The following BPIFB4 variants were observed in gnomAD, a reference collection of about 807,000 sequenced individuals.
The protein encoded by BPIFB4 is BPI fold containing family B member 4, also known as BPI fold-containing family B member 4.
In BPIFB4, 62 loss-of-function variants were observed where a neutral mutation model predicts 69.2. That is an observed-to-expected ratio of 0.90 (90% confidence interval 0.73 to 1.11). The LOEUF is 1.11. BPIFB4 is among the 50% of genes least tolerant of loss of function. The pLI is 0.00. For synonymous variants in BPIFB4, 330 were observed against 332.7 expected (o/e 0.99, Z 0.09); for missense variants, 789 against 792.0 (o/e 1.00, Z 0.04).
chr20:33,101,256 C>T (rs17124134), intron 14 of BPIFB4, among the ~76,000 whole-genome samples: 11,988 of 152,146 alleles, frequency 0.079, 523 homozygotes, highest in Middle Eastern at 0.12. Context: ...CCCAGGGCCA[C>T]CCAGCAAGTA....
chr20:33,107,328 C>T (rs1982095585), intron 16 of BPIFB4, among the ~76,000 whole-genome samples: 1 of 152,012 alleles, frequency 6.6e-6, no homozygotes, highest in Admixed American at 6.6e-5. Context: ...CCATGGCTCA[C>T]ACCTGTAATC....
chr20:33,088,588 G>A (rs746866657), intron 7 of BPIFB4, among the ~76,000 whole-genome samples: 24 of 152,088 alleles, frequency 1.6e-4, no homozygotes, highest in South Asian at 1.2e-3. Context: ...AAATAAACAC[G>A]TTCGTTTTCC....
At chr20:33,088,154 AT>A (rs1981489334) in intron 7 of BPIFB4, among the ~76,000 whole-genome samples, 1 of 151,994 alleles carries the variant, frequency 6.6e-6, no homozygotes, top group Admixed American at 6.6e-5. Context: ...TTTATCGTCG[AT>A]TTTCCTCCTT....
At chr20:33,083,194 AGGTGGCAGTGGTGGGGGGTTGCTG>A (rs1568999680) in intron 4 of BPIFB4, among the ~76,000 whole-genome samples, 149 bp from the exon 5 acceptor site, 1 of 71,044 alleles carries the variant, frequency 1.4e-5, no homozygotes, top group Non-Finnish European at 2.6e-5. Context: ...TGGGTGGAGG[AGGTGGCAGTGGTGGGGGGTTGCTG>A]GGTGGCAGTG....
In BPIFB4 at chr20:33,082,921, C is replaced by T; in HGVS notation, c.107-17C>T. 1.9e-6 allele frequency: 3 copies of T among 1,609,764 alleles called. No homozygotes were observed. Among genetic ancestry groups the T allele is most frequent in the Middle Eastern group, 1.7e-4 (1 of 6,052 alleles). On this transcript the variant is annotated splice_polypyrimidine_tract_variant and intron_variant, in intron 3 of 17. Coordinates refer to ENST00000375483, the MANE Select transcript of BPIFB4 (RefSeq NM_182519.3). ...AAAAGGGAGGAACCCTGGACTGATGCCCTTGCCTCTCTGCAGCCATTTCAG... is the reference window on the plus strand; with the variant it reads ...AAAAGGGAGGAACCCTGGACTGATGTCCTTGCCTCTCTGCAGCCATTTCAG...
chr20:33,095,045 C>A, intron 11 of BPIFB4, 55 bp from the exon 12 acceptor site: 1 of 1,513,936 alleles, frequency 6.6e-7, no homozygotes, highest in Non-Finnish European at 9.2e-7. Context: ...ATTAGCAACT[C>A]CTGTCTGTAC....
intron 3 of BPIFB4, among the ~76,000 whole-genome samples, chr20:33,082,660 G>T (rs550995571): frequency 1.3e-5 from 2 of 152,292 alleles, no homozygotes; most frequent in East Asian, 3.9e-4. Flanking sequence ...GCTGTAAAGT[G>T]CAGAGCACTT....
chr20:33,088,165 T>G (rs1981489783), intron 7 of BPIFB4, among the ~76,000 whole-genome samples: 2 of 152,076 alleles, frequency 1.3e-5, no homozygotes, highest in Admixed American at 1.3e-4. Flanking sequence ...TTTTCCTCCT[T>G]AACTAACAGC....
chr20:33,101,341 C>A (rs1235073361), intron 14 of BPIFB4, among the ~76,000 whole-genome samples: 1 of 152,122 alleles, frequency 6.6e-6, no homozygotes, highest in African/African-American at 2.4e-5. Context: ...CGCTTTGGAG[C>A]CAAGCAATAT....
chr20:33,101,736 G>A (rs923748992), intron 14 of BPIFB4, among the ~76,000 whole-genome samples: 14 of 151,224 alleles, frequency 9.3e-5, no homozygotes, highest in African/African-American at 3.4e-4. Context: ...AGTAGAGACG[G>A]GGTTTCGCCA....
chr20:33,085,042 A>C, intron 6 of BPIFB4, 46 bp downstream of exon 6: 1 of 1,585,292 alleles, frequency 6.3e-7, no homozygotes, highest in Non-Finnish European at 8.6e-7. Context: ...CCTATGGCCC[A>C]ACCTCTGTAT....
chr20:33,087,239 G>A (rs62210221), intron 7 of BPIFB4, among the ~76,000 whole-genome samples: 3 of 152,150 alleles, frequency 2.0e-5, no homozygotes, highest in African/African-American at 4.8e-5. Context: ...ACAGAGCACA[G>A]GGCCTCCTCC....
chr20:33,100,516 G>T, intron 14 of BPIFB4, 23 bp downstream of exon 14: 1 of 1,591,308 alleles, frequency 6.3e-7, no homozygotes, highest in Non-Finnish European at 8.6e-7. Context: ...GCTGCCTTGG[G>T]GTCCTGACGG....
At chr20:33,097,145 T>G (rs1331477543) in intron 12 of BPIFB4, among the ~76,000 whole-genome samples, 1 of 152,212 alleles carries the variant, frequency 6.6e-6, no homozygotes, top group East Asian at 1.9e-4. Flanking sequence ...CTCTGGGCTC[T>G]GAGCCCACAG....
chr20:33,086,873 C>G (rs1364734166), intron 7 of BPIFB4, among the ~76,000 whole-genome samples: 49 of 152,228 alleles, frequency 3.2e-4, no homozygotes, highest in Admixed American at 3.2e-3. Flanking sequence ...TGAGTACACA[C>G]TCAGAGCGGA....
intron 4 of BPIFB4, 89 bp from the exon 5 acceptor site, chr20:33,083,278 A>AG (rs1042019243): frequency 2.2e-6 from 2 of 895,014 alleles, no homozygotes; most frequent in Non-Finnish European, 1.4e-6. Flanking sequence ...GTGGCAGTAG[A>AG]GGGGGGCTGC....
Position 33,085,002 on chromosome 20 carries a change from T to C in BPIFB4, c.782+6T>C, listed in dbSNP as rs1300091114. Reference sequence around the variant, plus strand: ...GTGGCCATCAACGGGAAGAGGTGCGTGCCCTTGGCCCTGGAGGGGTCCCCA... The same window carrying C: ...GTGGCCATCAACGGGAAGAGGTGCGCGCCCTTGGCCCTGGAGGGGTCCCCA... On this transcript the variant is annotated splice_donor_region_variant and intron_variant, in intron 6 of 17. Coordinates refer to ENST00000375483, the MANE Select transcript of BPIFB4 (RefSeq NM_182519.3). 1 of 1,610,676 alleles carries C rather than the reference T, an allele frequency of 6.2e-7. No individual in the cohort carries two copies. The highest frequency in any genetic ancestry group is 8.5e-7 in the Non-Finnish European group (1 of 1,179,598).
At chr20:33,090,928 A>G in intron 10 of BPIFB4, 129 bp downstream of exon 10, 1 of 1,119,200 alleles carries the variant, frequency 8.9e-7, no homozygotes, top group Non-Finnish European at 1.3e-6. Context: ...CTCGATTAGA[A>G]GAAGGCCTTC....
intron 14 of BPIFB4, among the ~76,000 whole-genome samples, chr20:33,101,673 G>T (rs1056729108): frequency 6.6e-6 from 1 of 152,080 alleles, no homozygotes; most frequent in Non-Finnish European, 1.5e-5. Context: ...AGCCTCCCAA[G>T]TAGCTGAGAT....
Sources: gnomAD v4.1 joint callset for allele counts (sites outside exome capture counted in the v4.1 genomes callset) on GRCh38, gnomAD v4.1.1 for gene constraint, MANE v1.5 for transcripts, NCBI Gene and HGNC (gene_info 2026-07-23, HGNC 2026-07-21) for gene names.